AHCTF1: variants seen among roughly 807,000 people sequenced by gnomAD.
The protein encoded by AHCTF1 is protein ELYS.
A neutral mutation model predicts 248.4 loss-of-function variants in AHCTF1; 24 were observed. The ratio of observed to expected loss-of-function variants is 0.10; its 90% CI spans 0.07 to 0.14. The LOEUF is 0.14. Among genes scored for constraint, AHCTF1 ranks in the 10% least tolerant of loss-of-function variants. The pLI is 1.00. For synonymous variants in AHCTF1, 786 were observed against 929.8 expected, an observed-to-expected ratio of 0.85 and a Z score of 2.81; for missense variants, 2,206 against 2,636.2, an observed-to-expected ratio of 0.84 and a Z score of 3.57.
chr1:246,901,137 G>C (rs1219717404), intron 8 of AHCTF1, among the ~76,000 whole-genome samples: 1 of 151,766 alleles, frequency 6.6e-6, no homozygotes, highest in Non-Finnish European at 1.5e-5. Context: ...CCAGAAATTC[G>C]AGACCAGCCC....
chr1:246,931,354 T>C (rs1477655470), intron 1 of AHCTF1: 2 of 1,538,660 alleles, frequency 1.3e-6, no homozygotes, highest in African/African-American at 2.8e-5. Context: ...GGTCCGAGAT[T>C]ATGTAACGAA....
rs1659711985 is a variant in AHCTF1, at chr1:246,839,709, T to C, written c.*1097A>G. The C allele has an allele frequency of 1.4e-5, 3 of 210,500 alleles. No individual in the cohort carries two copies. The highest frequency in any genetic ancestry group is 1.8e-4 in the East Asian group (1 of 5,504). 13.0% of individuals were successfully genotyped at this position (210,500 alleles called of 1,614,324 possible). A position where few individuals can be genotyped will look rare whatever the true frequency, so the allele number is the denominator to read the frequency against. On this transcript the variant is annotated 3_prime_UTR_variant, in exon 36 of 36. Transcript: ENST00000648844. ...AAGCAGTTCGTTTCTAGATAATCAA[T>C]TATTAATAGTCCATTCATTACACAC...
chr1:246,867,894 C>CT, intron 24 of AHCTF1, 83 bp from the exon 25 acceptor site: 1 of 535,970 alleles, frequency 1.9e-6, no homozygotes, highest in Non-Finnish European at 2.7e-6. Flanking sequence ...TGATTACACC[C>CT]CCCCCCCCAC....
intron 21 of AHCTF1, among the ~76,000 whole-genome samples, chr1:246,878,495 GT>G (rs1181491478): frequency 1.4e-5 from 2 of 144,774 alleles, no homozygotes; most frequent in African/African-American, 2.5e-5. Context: ...AAAATCATTA[GT>G]TTTTTAAAAA....
intron 24 of AHCTF1, among the ~76,000 whole-genome samples, chr1:246,868,782 G>A (rs1206451141): frequency 3.3e-5 from 5 of 151,648 alleles, no homozygotes; most frequent in Admixed American, 6.6e-5. Flanking sequence ...AAAGTACCAC[G>A]TGATGAATGA....
chr1:246,863,087 A>G (rs958586424), intron 27 of AHCTF1, among the ~76,000 whole-genome samples: 2 of 152,242 alleles, frequency 1.3e-5, no homozygotes, highest in Non-Finnish European at 2.9e-5. Context: ...ACCTAGCTGT[A>G]GAGAATACAA....
chr1:246,887,434 C>G, intron 19 of AHCTF1, 77 bp from the exon 20 acceptor site: 3 of 1,378,556 alleles, frequency 2.2e-6, no homozygotes, highest in Non-Finnish European at 3.0e-6. Context: ...TAGGTAGCAA[C>G]AAAATGTAGC....
chr1:246,876,933 G>A lies in AHCTF1; in HGVS notation c.2937+17C>T. On this transcript the variant is annotated intron_variant, in intron 23 of 35. Transcript: ENST00000648844. ...CTTATTCTCTTATCCCCCATAATAA[G>A]ACAACTTTAATCGTACCATAACATT... The A allele has an allele frequency of 6.2e-7, 1 of 1,610,686 alleles. No homozygotes were observed. Among genetic ancestry groups the A allele is most frequent in the Non-Finnish European group, 8.5e-7 (1 of 1,179,366 alleles).
Position 246,918,524 on chromosome 1 carries a change from G to A in AHCTF1, c.-7-147C>T, listed in dbSNP as rs6682729. 3,682 of 788,448 alleles carry A rather than the reference G, an allele frequency of 4.7e-3. 123 individuals are homozygous for A. In the African/African-American group the frequency reaches 0.059, roughly 13 times the overall value. The allele number at this position is 788,448 out of a possible 1,614,324, so 48.8% of individuals were successfully genotyped here. ...TACAAAATACATATTGGCCAGATGC[G>A]GAGGCTCACGCCTTTAAGTCCCAGC... On this transcript the variant is annotated intron_variant, in intron 1 of 35. Coordinates refer to ENST00000648844, the MANE Select transcript of AHCTF1 (RefSeq NM_001323342.2).
At chr1:246,879,177 C>T (rs954722980) in intron 21 of AHCTF1, among the ~76,000 whole-genome samples, 2 of 151,952 alleles carry the variant, frequency 1.3e-5, no homozygotes, top group African/African-American at 4.8e-5. Flanking sequence ...AGGCAGGTCA[C>T]AAAAGAAATA....
In AHCTF1 at chr1:246,867,745, G is replaced by C. The variant is rs374195541; in HGVS notation, c.3155C>G (p.Ser1052Cys). 9.9e-6 allele frequency: 16 copies of C among 1,612,358 alleles called. No individual in the cohort carries two copies. The highest frequency in any genetic ancestry group is 3.4e-6 in the Non-Finnish European group (4 of 1,178,918). The change falls in exon 25 of 36, where the codon TCT becomes TGT. Residue 1052 changes from serine to cysteine, a missense_variant. Physicochemically the swap from Ser to Cys is moderately radical, Grantham distance 112. Transcript: ENST00000648844. ...AGATAACACATTGTTGATGAAAACA[G>C]ATCTTGTCAACACAGTTCCTGTTAC... ...QVVTGTVLTR[S>C]VFINNVLSKI...
chr1:246,902,698 A>G, intron 7 of AHCTF1, 23 bp from the exon 8 acceptor site: 1 of 1,553,086 alleles, frequency 6.4e-7, no homozygotes, highest in Non-Finnish European at 8.7e-7. Context: ...ATACACGCAA[A>G]TATTAATCTG....
intron 28 of AHCTF1, 86 bp from the exon 29 acceptor site, chr1:246,861,381 T>C (rs1661539019): frequency 8.2e-7 from 1 of 1,217,770 alleles, no homozygotes. Context: ...ATCATACCCA[T>C]ACTTTCTTTG....
chr1:246,931,369 G>T, intron 1 of AHCTF1: 1 of 1,520,278 alleles, frequency 6.6e-7, no homozygotes, highest in Non-Finnish European at 8.8e-7. Context: ...AACGAAGCCC[G>T]GCGCCCGCGA....
chr1:246,885,563 G>T lies in AHCTF1; in HGVS notation c.2590C>A (p.Gln864Lys). 1 of 1,611,988 alleles carries T rather than the reference G, an allele frequency of 6.2e-7. No homozygotes were observed. The highest frequency in any genetic ancestry group is 8.5e-7 in the Non-Finnish European group (1 of 1,178,896). ...GEHRQALRYI[Q>K]TMKPTVSSGN... ...CTGGACACTGTTGGCTTCATTGTCT[G>T]AATATATCTGAGGGCTTGTCTGTGC... is the stretch of plus-strand genomic sequence containing the variant. Residue 864 changes from glutamine (Q) to lysine (K), a missense_variant, in exon 21 of 36, where the codon CAG becomes AAG. Physicochemically the swap from Gln to Lys is moderately conservative, Grantham distance 53 (BLOSUM62 1). Coordinates refer to ENST00000648844, the MANE Select transcript of AHCTF1 (RefSeq NM_001323342.2).
In AHCTF1 at chr1:246,860,575, GGGT is replaced by G. The variant is rs1661464335; in HGVS notation, c.4132+321_4132+323del. ...ACTCTCATGCTTTCCTTCTGAGATAGGGTCTTGCTCTGTCACGCAGGCTAAAGT... is the reference window on the plus strand; with the variant it reads ...ACTCTCATGCTTTCCTTCTGAGATAGCTTGCTCTGTCACGCAGGCTAAAGT... On this transcript the variant is annotated intron_variant, in intron 29 of 35. Coordinates refer to ENST00000648844, the MANE Select transcript of AHCTF1 (RefSeq NM_001323342.2). Among the ~76,000 whole-genome samples the G allele has an allele frequency of 2.0e-5, 3 of 152,140 alleles. No individual in the cohort carries two copies. In the South Asian group the frequency reaches 6.2e-4, roughly 31 times the overall value.
At chr1:246,918,543 T>C (rs1469764059) in intron 1 of AHCTF1, among the ~76,000 whole-genome samples, 166 bp from the exon 2 acceptor site, 3 of 152,250 alleles carry the variant, frequency 2.0e-5, no homozygotes, top group Non-Finnish European at 2.9e-5. Flanking sequence ...CGCCTTTAAG[T>C]CCCAGCTACT....
At chr1:246,898,930 A>G (rs1664796503) in intron 11 of AHCTF1, among the ~76,000 whole-genome samples, 1 of 152,146 alleles carries the variant, frequency 6.6e-6, no homozygotes, top group East Asian at 1.9e-4. Flanking sequence ...TCTACTAAAA[A>G]TACAAAATAT....
At position 246,891,888 on chromosome 1, in the gene AHCTF1, GA is replaced by G; in HGVS notation, c.1835del (p.Phe612SerfsTer22). 6.3e-7 allele frequency: 1 copy of G among 1,598,042 alleles called. No individual in the cohort carries two copies. The highest frequency in any genetic ancestry group is 8.5e-7 in the Non-Finnish European group (1 of 1,175,408). ...TAGACTGTATAGTTTGTGGATCCAT[GA>G]AATGACACGAACCATCAAATAATGG... ...CVPLFDGSCH[F>X]MDPQTIQSIQ... On this transcript the variant is annotated frameshift_variant, in exon 15 of 36. Transcript: ENST00000648844. LOFTEE classifies it high-confidence loss of function.
Sources: allele counts gnomAD v4.1 joint callset (sites outside exome capture counted in the v4.1 genomes callset), GRCh38; gene constraint gnomAD v4.1.1; transcripts MANE v1.5; gene names NCBI Gene and HGNC (gene_info 2026-07-23, HGNC 2026-07-21).